The following RAB11FIP3 variants were observed in gnomAD, a reference collection of about 807,000 sequenced individuals.
RAB11FIP3 encodes rab11 family-interacting protein 3.
RAB11FIP3 carries 17 observed loss-of-function variants against 77.8 expected under a neutral mutation model. That is an observed-to-expected ratio of 0.22 (90% CI 0.15 to 0.33). RAB11FIP3 has a LOEUF of 0.33. Ranked by LOEUF, RAB11FIP3 falls within the 10% of genes least tolerant of loss-of-function variation. The pLI is 1.00. For synonymous variants in RAB11FIP3, 437 were observed against 448.2 expected (o/e 0.98, Z 0.31); for missense variants, 1,005 against 1,011.2 (o/e 0.99, Z 0.08).
chr16:445,254 G>A (rs2055294750), intron 1 of RAB11FIP3, among the ~76,000 whole-genome samples: 1 of 149,740 alleles, frequency 6.7e-6, no homozygotes, highest in Non-Finnish European at 1.5e-5. Context: ...CCAACATGGT[G>A]AAACCCCGAA....
chr16:518,586 G>A (rs565657479), intron 9 of RAB11FIP3, among the ~76,000 whole-genome samples: 4 of 151,834 alleles, frequency 2.6e-5, no homozygotes, highest in Admixed American at 1.3e-4. Flanking sequence ...TTAGCCGGGC[G>A]TGGTGGCAGG....
rs568563097 is a variant in RAB11FIP3, at chr16:491,792, G to A, written c.1265+2792G>A. ...TTTTGAGTGCTTTGCACATATTGACGTGCCCGTTGGGCATCGTGTTGATTT... is the reference window on the plus strand; with the variant it reads ...TTTTGAGTGCTTTGCACATATTGACATGCCCGTTGGGCATCGTGTTGATTT... On this transcript the variant is annotated intron_variant, in intron 5 of 13. Transcript: ENST00000262305. Among the ~76,000 whole-genome samples, 8 of 152,268 alleles carry A rather than the reference G, an allele frequency of 5.3e-5. No homozygotes were observed. The East Asian group carries it at 1.5e-3, about 29-fold the overall frequency.
chr16:442,501 T>C (rs2141863798), intron 1 of RAB11FIP3, among the ~76,000 whole-genome samples: 1 of 152,350 alleles, frequency 6.6e-6, no homozygotes, highest in Non-Finnish European at 1.5e-5. Flanking sequence ...GTCTCCTTTC[T>C]GGTCTTCCTC....
rs367574450 is a variant in RAB11FIP3 at position 520,720 on chromosome 16, C to T, written c.2158-6C>T. On this transcript the variant is annotated splice_region_variant and splice_polypyrimidine_tract_variant and intron_variant, in intron 13 of 13. Coordinates refer to ENST00000262305, the MANE Select transcript of RAB11FIP3 (RefSeq NM_014700.4). ...CCTCAGCTCTGACCACCTGCTTGCC[C>T]TACAGCTCATGGAGGCGATTCAGAA... 6.8e-5 allele frequency: 109 copies of T among 1,613,558 alleles called. No individual in the cohort carries two copies. The African/African-American group carries it at 1.1e-3, about 16-fold the overall frequency.
At chr16:479,565 G>T (rs2055991589) in intron 3 of RAB11FIP3, among the ~76,000 whole-genome samples, 1 of 152,092 alleles carries the variant, frequency 6.6e-6, no homozygotes, top group Non-Finnish European at 1.5e-5. Context: ...AACTGAGCCA[G>T]GTGTGGTGGC....
intron 1 of RAB11FIP3, among the ~76,000 whole-genome samples, chr16:432,008 C>T (rs8050800): frequency 7.9e-5 from 12 of 152,252 alleles, no homozygotes; most frequent in Admixed American, 2.6e-4. Context: ...CCGCCCACCT[C>T]GGCCTCCCAA....
At chr16:492,773 A>T (rs1819892456) in intron 5 of RAB11FIP3, among the ~76,000 whole-genome samples, 1 of 151,988 alleles carries the variant, frequency 6.6e-6, no homozygotes, top group Non-Finnish European at 1.5e-5. Flanking sequence ...CTCGTCTCTC[A>T]TTTTCTGAAG....
At chr16:442,812 A>T in intron 1 of RAB11FIP3, among the ~76,000 whole-genome samples, 1 of 152,176 alleles carries the variant, frequency 6.6e-6, no homozygotes, top group East Asian at 1.9e-4. Flanking sequence ...GGGTCACAAC[A>T]GGCTCCGTGC....
At chr16:446,890 G>A (rs1385679696) in intron 1 of RAB11FIP3, among the ~76,000 whole-genome samples, 5 of 151,964 alleles carry the variant, frequency 3.3e-5, no homozygotes, top group Admixed American at 1.3e-4. Context: ...TAGTAGATTC[G>A]GGGTTTCACC....
intron 3 of RAB11FIP3, among the ~76,000 whole-genome samples, chr16:473,758 C>G (rs1466681551): frequency 6.6e-6 from 1 of 152,176 alleles, no homozygotes; most frequent in African/African-American, 2.4e-5. Context: ...TAGTATTAGC[C>G]AAAGTCCGTA....
intron 1 of RAB11FIP3, among the ~76,000 whole-genome samples, chr16:429,281 A>G (rs2054998707): frequency 6.6e-6 from 1 of 152,148 alleles, no homozygotes; most frequent in Middle Eastern, 3.4e-3. Flanking sequence ...TTCTTCCATA[A>G]ATGCTTCAGT....
chr16:437,030 C>T (rs2055141194), intron 1 of RAB11FIP3, among the ~76,000 whole-genome samples: 1 of 152,044 alleles, frequency 6.6e-6, no homozygotes, highest in South Asian at 2.1e-4. Flanking sequence ...AATCCCAGCA[C>T]TTTGAGAGGC....
At chr16:458,681 G>A (rs1244390702) in intron 1 of RAB11FIP3, among the ~76,000 whole-genome samples, 1 of 145,526 alleles carries the variant, frequency 6.9e-6, no homozygotes, top group Non-Finnish European at 1.5e-5. Flanking sequence ...GCTACAGCCA[G>A]GGCTCCTGCC....
rs565807928 is a variant in RAB11FIP3 at position 507,112 on chromosome 16, CT to C, written c.1499+1503del. Among the ~76,000 whole-genome samples, 1,610 of 136,490 alleles carry C rather than the reference CT, an allele frequency of 0.012. 46 individuals carry two copies. The East Asian group carries it at 0.13, about 11-fold the overall frequency. 89.5% of individuals were successfully genotyped at this position (136,490 alleles called of 152,430 possible). ...TACAGGTGTGCACCACCACACCCAG[CT>C]TTTTTTTTTTTTTTTTTGAGACGGG... On this transcript the variant is annotated intron_variant, in intron 8 of 13. Coordinates refer to ENST00000262305, the MANE Select transcript of RAB11FIP3 (RefSeq NM_014700.4). The surrounding 1 kb of genome is among the most constrained non-coding windows in gnomAD (Gnocchi z 4.6).
intron 1 of RAB11FIP3, among the ~76,000 whole-genome samples, chr16:449,332 T>C (rs1455886380): frequency 6.6e-6 from 1 of 152,022 alleles, no homozygotes; most frequent in Non-Finnish European, 1.5e-5. Flanking sequence ...CTCCTTGAGG[T>C]TATAGAACTG....
At chr16:512,494 C>A (rs2032227965) in intron 9 of RAB11FIP3, among the ~76,000 whole-genome samples, 1 of 151,504 alleles carries the variant, frequency 6.6e-6, no homozygotes, top group African/African-American at 2.4e-5. Context: ...CCTGCCTCGG[C>A]CTCCCAAAGT....
intron 9 of RAB11FIP3, among the ~76,000 whole-genome samples, chr16:515,466 C>T (rs1357455766): frequency 6.6e-6 from 1 of 152,008 alleles, no homozygotes; most frequent in Non-Finnish European, 1.5e-5. Context: ...GTTTGCATCT[C>T]GGAGCAGCCA....
At chr16:488,747 A>T (rs2029906955) in intron 4 of RAB11FIP3, 104 bp from the exon 5 acceptor site, 2 of 1,135,828 alleles carry the variant, frequency 1.8e-6, no homozygotes, top group East Asian at 5.4e-5. Context: ...CCCAGGACTC[A>T]CGTGTGGCTT....
chr16:518,454 G>A (rs2032518106), intron 9 of RAB11FIP3, among the ~76,000 whole-genome samples: 1 of 152,062 alleles, frequency 6.6e-6, no homozygotes, highest in African/African-American at 2.4e-5. Flanking sequence ...ATGGCCGGCG[G>A]GGTGGCTCGC....
Sources: allele counts gnomAD v4.1 joint callset (sites outside exome capture counted in the v4.1 genomes callset), GRCh38; gene constraint gnomAD v4.1.1; non-coding constraint Gnocchi (gnomAD v3.1); transcripts MANE v1.5; gene names NCBI Gene and HGNC (gene_info 2026-07-23, HGNC 2026-07-21).